SHANK2: variants seen among roughly 807,000 people sequenced by gnomAD.
SHANK2 encodes SH3 and multiple ankyrin repeat domains protein 2.
Under a neutral mutation model 133.7 loss-of-function variants are expected in SHANK2, and 43 were observed. The ratio of observed to expected loss-of-function variants is 0.32; its 90% CI spans 0.25 to 0.41. The LOEUF (loss-of-function observed/expected upper bound fraction) is 0.41, where lower values mean the gene tolerates loss of function less well. SHANK2 is among the 10% of genes least tolerant of loss of function. SHANK2 has a pLI of 1.00. For synonymous variants in SHANK2, 1,017 were observed against 952.8 expected (o/e 1.07, Z -1.24); for missense variants, 1,994 against 2,235.8 (o/e 0.89, Z 2.18).
intron 2 of SHANK2, among the ~76,000 whole-genome samples, chr11:71,207,648 G>A (rs1288055497): frequency 1.3e-5 from 2 of 152,182 alleles, no homozygotes; most frequent in African/African-American, 4.8e-5. Flanking sequence ...TGAGATGCAG[G>A]TAAAGTTTAA....
intron 17 of SHANK2, among the ~76,000 whole-genome samples, chr11:70,644,039 T>C (rs1555007372): frequency 6.6e-6 from 1 of 152,176 alleles, no homozygotes; most frequent in African/African-American, 2.4e-5. Context: ...TTATCACTGG[T>C]CCTGTTTCAG....
chr11:70,623,483 C>T (rs1454208568), intron 17 of SHANK2, among the ~76,000 whole-genome samples: 1 of 152,226 alleles, frequency 6.6e-6, no homozygotes, highest in African/African-American at 2.4e-5. Flanking sequence ...GGCTGCGCCC[C>T]CACAGCACCC....
chr11:71,203,175 C>A (rs1240945855), intron 2 of SHANK2, among the ~76,000 whole-genome samples: 1 of 152,120 alleles, frequency 6.6e-6, no homozygotes, highest in Admixed American at 6.6e-5. Context: ...GGGGGAGGCG[C>A]AGGGTCTAGG....
rs537466772 is a variant in SHANK2 at position 70,524,764 on chromosome 11, G to A, written c.2062-21833C>T. Among the ~76,000 whole-genome samples, 14 of 152,328 alleles carry A rather than the reference G, an allele frequency of 9.2e-5. No homozygotes were observed. In the East Asian group the frequency reaches 2.7e-3, roughly 29 times the overall value. ...GTGGGGGAAGCCCACAGAGATGCAG[G>A]GGCCTGCCAGTTCAGTGAGGGTTCT... is the stretch of plus-strand genomic sequence containing the variant. On this transcript the variant is annotated intron_variant, in intron 17 of 25. Transcript: ENST00000601538.
chr11:71,234,122 C>T (rs1954790942), intron 1 of SHANK2, among the ~76,000 whole-genome samples: 1 of 124,360 alleles, frequency 8.0e-6, no homozygotes, highest in Non-Finnish European at 1.6e-5. Context: ...CCGAGGTAGG[C>T]GGATCATGAG....
intron 14 of SHANK2, among the ~76,000 whole-genome samples, chr11:70,746,564 G>A (rs545072292): frequency 2.2e-5 from 3 of 139,154 alleles, no homozygotes; most frequent in East Asian, 2.2e-4. Context: ...TCTCCAGGAC[G>A]GGAAGGCTGG....
chr11:71,195,568 A>T (rs781869695), intron 2 of SHANK2, among the ~76,000 whole-genome samples: 9 of 152,208 alleles, frequency 5.9e-5, no homozygotes, highest in Non-Finnish European at 1.0e-4. Flanking sequence ...TGCAATTAAT[A>T]AGGATTATTT....
At position 70,495,045 on chromosome 11, in the gene SHANK2, G is replaced by A. The variant is rs559002078; in HGVS notation, c.2309-2580C>T. 5.8e-4 allele frequency among the ~76,000 whole-genome samples: 88 copies of A among 152,302 alleles called. 1 individual carries two copies. The highest frequency in any genetic ancestry group is 2.0e-3 in the African/African-American group (83 of 41,542). On this transcript the variant is annotated intron_variant, in intron 21 of 25. Coordinates refer to ENST00000601538, the MANE Select transcript of SHANK2 (RefSeq NM_012309.5). ...TGGTCAGGCACGGTAGGAAACACCC[G>A]ATTCTCATCTCACTTGGCAGTGGGG...
intron 15 of SHANK2, among the ~76,000 whole-genome samples, chr11:70,676,494 T>C (rs1555017224): frequency 1.3e-5 from 2 of 152,214 alleles, no homozygotes; most frequent in African/African-American, 4.8e-5. Context: ...CTTGCCACCA[T>C]GAGGGAGAGG....
chr11:70,875,127 T>A (rs1949537034), intron 11 of SHANK2, among the ~76,000 whole-genome samples: 1 of 152,152 alleles, frequency 6.6e-6, no homozygotes, highest in Non-Finnish European at 1.5e-5. Flanking sequence ...GAGTATTTTA[T>A]CATTGGCAAT....
At chr11:71,156,085 G>A (rs1480734053) in intron 2 of SHANK2, among the ~76,000 whole-genome samples, 2 of 152,278 alleles carry the variant, frequency 1.3e-5, no homozygotes, top group African/African-American at 4.8e-5. Context: ...CCACGTGCAC[G>A]CCAGGGAGCG....
intron 17 of SHANK2, among the ~76,000 whole-genome samples, chr11:70,521,818 C>T (rs145819331): frequency 3.9e-5 from 6 of 152,346 alleles, no homozygotes; most frequent in Non-Finnish European, 5.9e-5. Flanking sequence ...GACGGTGCCA[C>T]GGCAGCTCCC....
chr11:70,517,189 T>C (rs2059276569), intron 17 of SHANK2, among the ~76,000 whole-genome samples: 1 of 152,236 alleles, frequency 6.6e-6, no homozygotes, highest in South Asian at 2.1e-4. Context: ...ACCTATGGAA[T>C]GGCCAGAATC....
chr11:70,792,853 A>T (rs1482218715), intron 14 of SHANK2, among the ~76,000 whole-genome samples: 1 of 152,232 alleles, frequency 6.6e-6, no homozygotes, highest in Non-Finnish European at 1.5e-5. Flanking sequence ...TGGGAGACCG[A>T]GGCAGGAGGG....
At chr11:71,095,212 C>A (rs782790001) in intron 6 of SHANK2, among the ~76,000 whole-genome samples, 3 of 152,094 alleles carry the variant, frequency 2.0e-5, no homozygotes, top group Non-Finnish European at 2.9e-5. Flanking sequence ...TAAGTGGAAA[C>A]CTTCCTTCAT....
At chr11:71,183,674 G>C (rs911478901) in intron 2 of SHANK2, among the ~76,000 whole-genome samples, 4 of 152,152 alleles carry the variant, frequency 2.6e-5, no homozygotes, top group African/African-American at 4.8e-5. Context: ...AGATGACTGG[G>C]GGCAGGTGGC....
intron 14 of SHANK2, among the ~76,000 whole-genome samples, chr11:70,719,482 G>A (rs944969820): frequency 2.0e-5 from 3 of 152,314 alleles, no homozygotes; most frequent in South Asian, 4.2e-4. Context: ...TGGCCTGGCA[G>A]ATGCTGAACC....
intron 2 of SHANK2, among the ~76,000 whole-genome samples, chr11:71,185,461 A>T (rs1953651207): frequency 6.6e-6 from 1 of 152,120 alleles, no homozygotes; most frequent in South Asian, 2.1e-4. Context: ...AAGGATGGGG[A>T]TTATATAGAC....
chr11:70,743,997 G>T (rs1015560546), intron 14 of SHANK2, among the ~76,000 whole-genome samples: 24 of 152,256 alleles, frequency 1.6e-4, no homozygotes, highest in African/African-American at 5.5e-4. Flanking sequence ...CAAGCCCTCA[G>T]CCCCACACCT....
Sources: gnomAD v4.1 joint callset for allele counts (sites outside exome capture counted in the v4.1 genomes callset) on GRCh38, gnomAD v4.1.1 for gene constraint, MANE v1.5 for transcripts, NCBI Gene and HGNC (gene_info 2026-07-23, HGNC 2026-07-21) for gene names.